RNF216: variants seen among roughly 807,000 people sequenced by gnomAD.
RNF216 encodes E3 ubiquitin-protein ligase RNF216.
RNF216 carries 72 observed loss-of-function variants against 110.8 expected under a neutral mutation model. The ratio of observed to expected loss-of-function variants is 0.65; its 90% CI spans 0.54 to 0.79. The LOEUF (loss-of-function observed/expected upper bound fraction) is 0.79, where lower values mean the gene tolerates loss of function less well. RNF216 is among the 30% of genes least tolerant of loss of function. RNF216 has a pLI of 0.00. For synonymous variants in RNF216, 495 were observed against 407.5 expected (o/e 1.21, Z -2.59); for missense variants, 1,342 against 1,141.2 (o/e 1.18, Z -2.54).
intron 1 of RNF216, among the ~76,000 whole-genome samples, chr7:5,770,137 A>C (rs1796420549): frequency 6.6e-6 from 1 of 151,006 alleles, no homozygotes; most frequent in Non-Finnish European, 1.5e-5. Context: ...GCTTGAGCAC[A>C]GAAGTTTAAG....
chr7:5,665,757 C>G (rs1319873686), intron 13 of RNF216, among the ~76,000 whole-genome samples: 2 of 152,040 alleles, frequency 1.3e-5, no homozygotes, highest in Non-Finnish European at 2.9e-5. Flanking sequence ...ACTACCAATT[C>G]CCTTAGTTAC....
intron 3 of RNF216, among the ~76,000 whole-genome samples, chr7:5,752,117 G>A (rs559334040): frequency 2.6e-5 from 4 of 152,112 alleles, no homozygotes; most frequent in East Asian, 3.9e-4. Context: ...ACCAGAAGGC[G>A]GAGGTTGCAG....
intron 13 of RNF216, among the ~76,000 whole-genome samples, chr7:5,654,524 T>C (rs977557805): frequency 6.6e-6 from 1 of 151,282 alleles, no homozygotes; most frequent in Non-Finnish European, 1.5e-5. Flanking sequence ...CCACCTCTAA[T>C]AAAAATACAA....
At chr7:5,778,504 T>C (rs1796902377) in intron 1 of RNF216, among the ~76,000 whole-genome samples, 1 of 152,194 alleles carries the variant, frequency 6.6e-6, no homozygotes, top group African/African-American at 2.4e-5. Flanking sequence ...CTGCTAAAAC[T>C]TAAGTTCCAA....
chr7:5,646,465 G>A (rs928585003), intron 14 of RNF216, among the ~76,000 whole-genome samples: 3 of 152,026 alleles, frequency 2.0e-5, no homozygotes, highest in Admixed American at 6.6e-5. Flanking sequence ...AGGCAGAGGC[G>A]GGCAGATAAT....
intron 1 of RNF216, among the ~76,000 whole-genome samples, chr7:5,778,373 C>G (rs140026889): frequency 6.6e-6 from 1 of 152,186 alleles, no homozygotes; most frequent in Non-Finnish European, 1.5e-5. Context: ...AAAATTGTTC[C>G]TGATTATCCC....
intron 15 of RNF216, among the ~76,000 whole-genome samples, chr7:5,627,088 T>C (rs562000009): frequency 5.3e-5 from 8 of 152,304 alleles, no homozygotes; most frequent in Middle Eastern, 6.8e-3. Context: ...GGGACACTTA[T>C]GGCCTTCGAT....
At chr7:5,647,870 A>G (rs960964374) in intron 14 of RNF216, among the ~76,000 whole-genome samples, 6 of 152,180 alleles carry the variant, frequency 3.9e-5, no homozygotes, top group Non-Finnish European at 7.3e-5. Context: ...GACTACTGTA[A>G]TGGCCTTCTA....
intron 13 of RNF216, among the ~76,000 whole-genome samples, chr7:5,688,050 C>A (rs1357313577): frequency 6.6e-6 from 1 of 152,152 alleles, no homozygotes; most frequent in Non-Finnish European, 1.5e-5. Context: ...GAACTAGCGA[C>A]CGCAAATGGA....
chr7:5,646,965 T>A (rs918345815), intron 14 of RNF216, among the ~76,000 whole-genome samples: 2 of 152,196 alleles, frequency 1.3e-5, no homozygotes, highest in African/African-American at 4.8e-5. Context: ...GAGCATGTGT[T>A]GAGCCCTAGA....
At chr7:5,644,191 T>G (rs576135016) in intron 14 of RNF216, among the ~76,000 whole-genome samples, 1 of 152,182 alleles carries the variant, frequency 6.6e-6, no homozygotes, top group South Asian at 2.1e-4. Flanking sequence ...TTATGTTGGG[T>G]GAGTACCTGA....
chr7:5,768,821 C>T (rs1303392142), intron 1 of RNF216, among the ~76,000 whole-genome samples: 1 of 151,838 alleles, frequency 6.6e-6, no homozygotes, highest in Admixed American at 6.6e-5. Context: ...ACCACCACGC[C>T]CGGCTATTTT....
intron 1 of RNF216, among the ~76,000 whole-genome samples, chr7:5,768,146 C>T (rs980822431): frequency 2.0e-5 from 3 of 151,610 alleles, no homozygotes; most frequent in Admixed American, 2.0e-4. Flanking sequence ...TCATAATGTC[C>T]AGACTTTGAT....
At chr7:5,654,604 T>C (rs1231097765) in intron 13 of RNF216, among the ~76,000 whole-genome samples, 2 of 146,566 alleles carry the variant, frequency 1.4e-5, no homozygotes, top group African/African-American at 5.1e-5. Flanking sequence ...GGAGAATCAC[T>C]TGAACCTGGC....
At chr7:5,739,909 A>C in intron 4 of RNF216, among the ~76,000 whole-genome samples, 1 of 151,622 alleles carries the variant, frequency 6.6e-6, no homozygotes, top group East Asian at 2.0e-4. Context: ...AGGCAGAGAC[A>C]GAAGAATCGC....
At chr7:5,734,207 T>C (rs1212454288) in intron 5 of RNF216, among the ~76,000 whole-genome samples, 1 of 152,192 alleles carries the variant, frequency 6.6e-6, no homozygotes, top group East Asian at 1.9e-4. Flanking sequence ...AGAACTCAAA[T>C]GCCTATCAAA....
At chr7:5,759,633 CT>C (rs560025609) in intron 2 of RNF216, among the ~76,000 whole-genome samples, 2 of 131,182 alleles carry the variant, frequency 1.5e-5, no homozygotes, top group Admixed American at 8.2e-5. Context: ...CATTTTTCTT[CT>C]TTTTTTTTTT....
chr7:5,732,214 A>G (rs1171932339), intron 5 of RNF216, among the ~76,000 whole-genome samples: 1 of 152,204 alleles, frequency 6.6e-6, no homozygotes, highest in African/African-American at 2.4e-5. Context: ...ACTGGTGTGC[A>G]CTGAGGTTAT....
intron 13 of RNF216, among the ~76,000 whole-genome samples, chr7:5,702,251 C>G (rs1292847217): frequency 6.6e-6 from 1 of 152,174 alleles, no homozygotes; most frequent in African/African-American, 2.4e-5. Context: ...TCCATGTTCA[C>G]TCACAGCTCC....
Sources: allele counts gnomAD v4.1 joint callset (sites outside exome capture counted in the v4.1 genomes callset), GRCh38; gene constraint gnomAD v4.1.1; transcripts MANE v1.5; gene names NCBI Gene and HGNC (gene_info 2026-07-23, HGNC 2026-07-21).